The following ANKS1B variants were observed in gnomAD, a reference collection of about 807,000 sequenced individuals.
The protein encoded by ANKS1B is ankyrin repeat and sterile alpha motif domain-containing protein 1B.
ANKS1B carries 36 observed loss-of-function variants against 148.3 expected under a neutral mutation model. That is an observed-to-expected ratio of 0.24 (90% confidence interval 0.19 to 0.32). The LOEUF (loss-of-function observed/expected upper bound fraction) is 0.32. Ranked by LOEUF, ANKS1B falls within the 10% of genes least tolerant of loss-of-function variation. ANKS1B has a pLI of 1.00. For synonymous variants in ANKS1B, 542 were observed against 560.8 expected, an observed-to-expected ratio of 0.97 and a Z score of 0.47; for missense variants, 1,157 against 1,542.6, an observed-to-expected ratio of 0.75 and a Z score of 4.19.
At chr12:99,740,341 C>CAAAAAACA (rs1267324100) in intron 8 of ANKS1B, among the ~76,000 whole-genome samples, 2 of 151,518 alleles carry the variant, frequency 1.3e-5, no homozygotes, top group Non-Finnish European at 2.9e-5. Context: ...AAACAAAAAA[C>CAAAAAACA]AAAAAAACTA....
intron 9 of ANKS1B, among the ~76,000 whole-genome samples, chr12:98,738,789 G>A (rs918842037): frequency 2.0e-5 from 3 of 152,210 alleles, no homozygotes; most frequent in Admixed American, 2.0e-4. Context: ...GGTTTCACTA[G>A]CTGGGGAAAG....
chr12:99,219,346 C>T (rs925273563), intron 14 of ANKS1B, among the ~76,000 whole-genome samples: 4 of 152,094 alleles, frequency 2.6e-5, no homozygotes, highest in African/African-American at 9.7e-5. Context: ...AGAAACCATC[C>T]TTTTGAAATA....
At chr12:99,471,571 A>G (rs2096242422) in intron 10 of ANKS1B, among the ~76,000 whole-genome samples, 1 of 151,838 alleles carries the variant, frequency 6.6e-6, no homozygotes, top group Admixed American at 6.6e-5. Flanking sequence ...CCACTTGGCA[A>G]CTCTGAACTC....
At chr12:99,682,916 A>T (rs762553040) in intron 8 of ANKS1B, among the ~76,000 whole-genome samples, 7 of 152,192 alleles carry the variant, frequency 4.6e-5, no homozygotes, top group Non-Finnish European at 8.8e-5. Flanking sequence ...GAGAATGGGT[A>T]ATTTATTAAA....
At chr12:99,950,149 C>T (rs1202844409) in intron 1 of ANKS1B, among the ~76,000 whole-genome samples, 4 of 123,356 alleles carry the variant, frequency 3.2e-5, no homozygotes, top group African/African-American at 1.4e-4. Context: ...TTAGCAGAGA[C>T]GAGCTCTGTC....
chr12:99,648,380 T>C (rs2098393053), intron 9 of ANKS1B: 3 of 1,613,948 alleles, frequency 1.9e-6, no homozygotes, highest in Admixed American at 3.3e-5. Context: ...GCCCGAATGG[T>C]AACAATGGGC....
Position 99,922,954 on chromosome 12 carries a change from C to A in ANKS1B, c.134+61150G>T, listed in dbSNP as rs904519339. On this transcript the variant is annotated intron_variant, in intron 1 of 26. Coordinates refer to ENST00000683438, the MANE Select transcript of ANKS1B (RefSeq NM_001352186.2). Reference sequence around the variant, plus strand: ...CCAGAACTATAAAAAAAAAAAAATTCTTTTCCTTATAAATTACTTAATCTG... The same window carrying A: ...CCAGAACTATAAAAAAAAAAAAATTATTTTCCTTATAAATTACTTAATCTG... Among the ~76,000 whole-genome samples, 10 of 151,026 alleles carry A rather than the reference C, an allele frequency of 6.6e-5. No homozygotes were observed. In the South Asian group the frequency reaches 8.4e-4, roughly 13 times the overall value.
intron 17 of ANKS1B, among the ~76,000 whole-genome samples, chr12:99,024,312 G>A (rs553751575): frequency 6.6e-6 from 1 of 152,186 alleles, no homozygotes; most frequent in Non-Finnish European, 1.5e-5. Flanking sequence ...ATCTATATAT[G>A]TTGCTGTATA....
chr12:99,867,498 G>A (rs536389209), intron 1 of ANKS1B, among the ~76,000 whole-genome samples: 2 of 152,282 alleles, frequency 1.3e-5, no homozygotes, highest in South Asian at 2.1e-4. Flanking sequence ...GGTAGAGGGC[G>A]AAAGGCATGT....
At chr12:99,981,358 A>G (rs2095700079) in intron 1 of ANKS1B, among the ~76,000 whole-genome samples, 1 of 152,082 alleles carries the variant, frequency 6.6e-6, no homozygotes, top group Non-Finnish European at 1.5e-5. Context: ...TCCCCATTAC[A>G]TAGTTACTGT....
chr12:99,062,931 C>G (rs994603970), intron 16 of ANKS1B, among the ~76,000 whole-genome samples: 1 of 152,110 alleles, frequency 6.6e-6, no homozygotes, highest in African/African-American at 2.4e-5. Flanking sequence ...TGTGTTAAAA[C>G]AGTGCGAGTG....
chr12:99,603,800 A>G (rs1190067971), intron 9 of ANKS1B, among the ~76,000 whole-genome samples: 1 of 152,144 alleles, frequency 6.6e-6, no homozygotes, highest in Non-Finnish European at 1.5e-5. Flanking sequence ...AAGAACCAGA[A>G]AACTTTCAAA....
At chr12:99,737,743 T>C (rs904640142) in intron 8 of ANKS1B, among the ~76,000 whole-genome samples, 1 of 152,072 alleles carries the variant, frequency 6.6e-6, no homozygotes, top group Non-Finnish European at 1.5e-5. Context: ...CCCCCCTACC[T>C]GTATAATACC....
At chr12:99,701,111 T>C (rs914383839) in intron 8 of ANKS1B, among the ~76,000 whole-genome samples, 8 of 152,182 alleles carry the variant, frequency 5.3e-5, no homozygotes, top group African/African-American at 1.9e-4. Context: ...CAACCTGGTA[T>C]ATAGAAATTC....
chr12:98,969,443 T>C (rs1568091809), intron 17 of ANKS1B, among the ~76,000 whole-genome samples: 1 of 152,178 alleles, frequency 6.6e-6, no homozygotes, highest in Non-Finnish European at 1.5e-5. Flanking sequence ...GCATTTTTGT[T>C]GTTGCTTATT....
At chr12:99,506,434 T>C (rs1249315110) in intron 9 of ANKS1B, among the ~76,000 whole-genome samples, 5 of 151,818 alleles carry the variant, frequency 3.3e-5, no homozygotes, top group Non-Finnish European at 7.4e-5. Context: ...AGCAGGAAAT[T>C]GGGAGTAATT....
At chr12:98,915,794 C>G (rs1161411478) in intron 17 of ANKS1B, among the ~76,000 whole-genome samples, 1 of 152,172 alleles carries the variant, frequency 6.6e-6, no homozygotes, top group Admixed American at 6.5e-5. Flanking sequence ...AATGAAGAAA[C>G]TGAAGGCCAG....
At chr12:98,791,019 C>T (rs970644832) in intron 22 of ANKS1B, among the ~76,000 whole-genome samples, 2 of 152,154 alleles carry the variant, frequency 1.3e-5, no homozygotes, top group Admixed American at 6.5e-5. Flanking sequence ...GGTTGGTGCT[C>T]TTTAGCCTTC....
At chr12:99,439,900 CAGG>C (rs1218623099) in intron 11 of ANKS1B, among the ~76,000 whole-genome samples, 1 of 151,780 alleles carries the variant, frequency 6.6e-6, no homozygotes, top group Non-Finnish European at 1.5e-5. Flanking sequence ...GATCAATCAA[CAGG>C]AGAATTAATG....
Sources: gnomAD v4.1 joint callset for allele counts (sites outside exome capture counted in the v4.1 genomes callset) on GRCh38, gnomAD v4.1.1 for gene constraint, MANE v1.5 for transcripts, NCBI Gene and HGNC (gene_info 2026-07-23, HGNC 2026-07-21) for gene names.